ADAP2: variants seen among roughly 807,000 people sequenced by gnomAD.
ADAP2 encodes ArfGAP with dual PH domains 2.
A neutral mutation model predicts 54.9 loss-of-function variants in ADAP2; 42 were observed. The observed-to-expected ratio is 0.77, with a 90% CI of 0.60 to 0.99. The LOEUF is 0.99. Ranked by LOEUF, ADAP2 falls within the 50% of genes least tolerant of loss-of-function variation. ADAP2 has a pLI of 0.00. For missense variants in ADAP2, 429 were observed against 480.4 expected (o/e 0.89, Z 1.00); for synonymous variants, 177 against 180.1 (o/e 0.98, Z 0.14).
intron 3 of ADAP2, among the ~76,000 whole-genome samples, chr17:30,927,958 G>T (rs972382550): frequency 5.9e-5 from 9 of 151,862 alleles, no homozygotes; most frequent in African/African-American, 2.4e-5. Context: ...AGCCCAGATT[G>T]CAGTGAGCTA....
chr17:30,934,447 C>T, intron 5 of ADAP2, 150 bp downstream of exon 5: 1 of 590,874 alleles, frequency 1.7e-6, no homozygotes, highest in Non-Finnish European at 3.0e-6. Context: ...CTTGGCTATA[C>T]AGTAAATCCA....
intron 3 of ADAP2, among the ~76,000 whole-genome samples, chr17:30,927,637 T>G (rs1598025703): frequency 6.8e-6 from 1 of 148,130 alleles, no homozygotes; most frequent in African/African-American, 2.5e-5. Context: ...AAATAAAAGA[T>G]AGAAATATGT....
chr17:30,931,581 G>A (rs1911485255), intron 3 of ADAP2, among the ~76,000 whole-genome samples: 1 of 152,136 alleles, frequency 6.6e-6, no homozygotes, highest in Non-Finnish European at 1.5e-5. Flanking sequence ...AGCACTTTGG[G>A]AGGCTGAGGC....
chr17:30,926,975 C>G (rs527486955), intron 3 of ADAP2, 57 bp downstream of exon 3: 20 of 1,342,582 alleles, frequency 1.5e-5, no homozygotes, highest in Middle Eastern at 1.9e-4. Context: ...TCCACCTCCT[C>G]CCCCTCTCCA....
chr17:30,944,166 G>A (rs1912482732), intron 5 of ADAP2, among the ~76,000 whole-genome samples: 1 of 152,052 alleles, frequency 6.6e-6, no homozygotes, highest in African/African-American at 2.4e-5. Context: ...CACTCCAGCT[G>A]GGCAGCAAGA....
chr17:30,926,840 A>G lies in ADAP2; in HGVS notation c.239A>G (p.Asn80Ser), dbSNP rs1203758550. 3 of 1,614,138 alleles carry G rather than the reference A, an allele frequency of 1.9e-6. No individual in the cohort carries two copies. Among genetic ancestry groups the G allele is most frequent in the South Asian group, 2.2e-5 (2 of 91,080 alleles). ...GTTGTCTTGCAGTTTATGATCCACA[A>G]TGGAAACCTCCGTGTGAAGGCCAAG... is the stretch of plus-strand genomic sequence containing the variant. The part of the protein sequence containing the change: ...DDSIVEFMIH[N>S]GNLRVKAKFE... The change falls in exon 3 of 11, where the codon AAT (asparagine) becomes AGT (serine). Residue 80 changes from asparagine (N) to serine (S), a missense_variant. Coordinates refer to ENST00000330889, the MANE Select transcript of ADAP2 (RefSeq NM_018404.3).
At chr17:30,950,179 G>A (rs1231745651) in intron 7 of ADAP2, among the ~76,000 whole-genome samples, 2 of 152,218 alleles carry the variant, frequency 1.3e-5, no homozygotes, top group South Asian at 2.1e-4. Context: ...TGATGCTCTG[G>A]GCTTGGGAAA....
At position 30,926,368 on chromosome 17, in the gene ADAP2, A is replaced by G. The variant is rs1305068542; in HGVS notation, c.226-459A>G. Among the ~76,000 whole-genome samples the G allele has an allele frequency of 2.0e-5, 3 of 152,158 alleles. No individual in the cohort carries two copies. The East Asian group carries it at 5.8e-4, about 29-fold the overall frequency. ...CATGAGGCGAGCACCCACTTCTTCCATCCTCCAGGTACATTTATCTCCTGC... is the reference window on the plus strand; with the variant it reads ...CATGAGGCGAGCACCCACTTCTTCCGTCCTCCAGGTACATTTATCTCCTGC... On this transcript the variant is annotated intron_variant, in intron 2 of 10. Transcript: ENST00000330889.
At position 30,944,916 on chromosome 17, in the gene ADAP2, C is replaced by T; in HGVS notation, c.520C>T (p.Pro174Ser). ...TCTTTCTCTCTTTCAGGGTAAAAGC[C>T]CCAAAGCTGTCATCAGCATTAAGGA... ...KYFTKEQGKSPKAVISIKDLN... is the reference protein window; with the variant it reads ...KYFTKEQGKSSKAVISIKDLN... The change falls in exon 6 of 11, where the codon CCC becomes TCC. Residue 174 changes from proline to serine, a missense_variant. Pro to Ser is a moderately conservative substitution (Grantham distance 74). Coordinates refer to ENST00000330889, the MANE Select transcript of ADAP2 (RefSeq NM_018404.3). 1.9e-6 allele frequency: 3 copies of T among 1,613,914 alleles called. No homozygotes were observed. Among genetic ancestry groups the T allele is most frequent in the Non-Finnish European group, 2.5e-6 (3 of 1,179,958 alleles).
Position 30,956,332 on chromosome 17 carries a change from G to C in ADAP2, c.974G>C (p.Arg325Pro). The stretch of plus-strand genomic sequence containing the variant: ...CTGCCCAAGGGCATCCGAGGAAATC[G>C]CTGGAAAGCCGGACTCACCATTGTC... ...EDLPKGIRGN[R>P]WKAGLTIVTP... Residue 325 changes from arginine (R) to proline (P), a missense_variant, in exon 10 of 11, where the codon CGC becomes CCC. Arg to Pro is a moderately radical substitution (Grantham distance 103). Transcript: ENST00000330889. 1 of 1,614,202 alleles carries C rather than the reference G, an allele frequency of 6.2e-7. No individual in the cohort carries two copies.
chr17:30,926,771 T>A (rs1241774765), intron 2 of ADAP2, 56 bp from the exon 3 acceptor site: 7 of 1,506,168 alleles, frequency 4.6e-6, no homozygotes, highest in African/African-American at 1.4e-5. Flanking sequence ...GCCTCATAGT[T>A]TCATTTCACG....
Position 30,922,103 on chromosome 17 carries a change from C to T in ADAP2, c.89C>T (p.Ala30Val). ...TGNAHCADCG[A>V]ADPDWASYKL... is the part of the protein sequence containing the mutation. ...AACGCGCACTGCGCCGACTGCGGGG[C>T]GGCAGGTAAGGGCGCGGCGGCGCGG... is the stretch of plus-strand genomic sequence containing the variant. Residue 30 changes from alanine to valine, a missense_variant, in exon 1 of 11, where the codon GCG becomes GTG. Ala to Val is a moderately conservative substitution (Grantham distance 64, BLOSUM62 0). Transcript: ENST00000330889. The T allele has an allele frequency of 8.0e-7, 1 of 1,247,966 alleles. No homozygotes were observed. The highest frequency in any genetic ancestry group is 1.0e-6 in the Non-Finnish European group (1 of 997,336). The allele number at this position is 1,247,966 out of a possible 1,614,324, so 77.3% of individuals were successfully genotyped here. A position where few individuals can be genotyped will look rare whatever the true frequency, so the allele number is the denominator to read the frequency against.
At chr17:30,953,096 T>A (rs1363562095) in intron 7 of ADAP2, among the ~76,000 whole-genome samples, 192 bp from the exon 8 acceptor site, 1 of 152,166 alleles carries the variant, frequency 6.6e-6, no homozygotes. Flanking sequence ...TCTGCAAACA[T>A]CTGGGGTGCT....
chr17:30,944,639 T>C (rs1264994671), intron 5 of ADAP2, among the ~76,000 whole-genome samples: 1 of 152,138 alleles, frequency 6.6e-6, no homozygotes. Context: ...TTTGTATTTT[T>C]AGTAGAGACG....
intron 4 of ADAP2, 24 bp downstream of exon 4, chr17:30,931,992 T>C (rs1399692106): frequency 6.2e-7 from 1 of 1,606,244 alleles, no homozygotes; most frequent in African/African-American, 1.3e-5. Context: ...CATCACCTTT[T>C]GAAATCTATG....
intron 6 of ADAP2, among the ~76,000 whole-genome samples, chr17:30,946,799 GCCCTGCA>G (rs1178457376): frequency 6.6e-6 from 1 of 152,178 alleles, no homozygotes; most frequent in African/African-American, 2.4e-5. Flanking sequence ...CAGGGTCACA[GCCCTGCA>G]CCCACTTTAC....
chr17:30,946,269 A>C (rs141573777), intron 6 of ADAP2, among the ~76,000 whole-genome samples: 1 of 151,704 alleles, frequency 6.6e-6, no homozygotes, highest in Non-Finnish European at 1.5e-5. Context: ...ATCTTGCTCT[A>C]TTGCCCAGAC....
intron 7 of ADAP2, among the ~76,000 whole-genome samples, chr17:30,950,543 C>A (rs763363900): frequency 7.2e-5 from 11 of 152,170 alleles, no homozygotes; most frequent in Non-Finnish European, 1.3e-4. Flanking sequence ...TCAAGAGGCT[C>A]CCCTCCAAGA....
chr17:30,942,266 G>A (rs771767789), intron 5 of ADAP2, among the ~76,000 whole-genome samples: 3 of 152,148 alleles, frequency 2.0e-5, no homozygotes, highest in Non-Finnish European at 4.4e-5. Context: ...TTGATTAAGT[G>A]AAAATTAACA....
Sources: gnomAD v4.1 joint callset for allele counts (sites outside exome capture counted in the v4.1 genomes callset) on GRCh38, gnomAD v4.1.1 for gene constraint, MANE v1.5 for transcripts, NCBI Gene and HGNC (gene_info 2026-07-23, HGNC 2026-07-21) for gene names.